The following KLF12 variants were observed in gnomAD, a reference collection of about 807,000 sequenced individuals.
KLF12 encodes KLF transcription factor 12.
KLF12 carries 9 observed loss-of-function variants against 37.8 expected under a neutral mutation model. The observed-to-expected ratio is 0.24, with a 90% CI of 0.14 to 0.42. The LOEUF (loss-of-function observed/expected upper bound fraction) is 0.42. Among genes scored for constraint, KLF12 ranks in the 10% least tolerant of loss-of-function variants. The probability of loss-of-function intolerance (pLI) is 1.00; values close to 1 mark genes in which losing one functional copy is unlikely to be tolerated. For synonymous variants in KLF12, 208 were observed against 202.1 expected (o/e 1.03, Z -0.25); for missense variants, 411 against 516.0 (o/e 0.80, Z 1.97).
At chr13:73,702,326 G>A (rs926115707) in intron 7 of KLF12, among the ~76,000 whole-genome samples, 1 of 152,072 alleles carries the variant, frequency 6.6e-6, no homozygotes, top group Non-Finnish European at 1.5e-5. Context: ...GCAGAAGGCA[G>A]AATAAAGTCT....
chr13:74,066,656 T>C (rs1330217729), intron 1 of KLF12, among the ~76,000 whole-genome samples: 1 of 152,164 alleles, frequency 6.6e-6, no homozygotes, highest in African/African-American at 2.4e-5. Flanking sequence ...AGATAAATTA[T>C]AGTTTTAATT....
chr13:74,215,543 T>A, the KLF12 span, among the ~76,000 whole-genome samples: 1 of 151,958 alleles, frequency 6.6e-6, no homozygotes, highest in Non-Finnish European at 1.5e-5. Context: ...CTGATGATGT[T>A]TAAAACTGAA....
At chr13:73,830,274 TC>T (rs1884083601) in intron 4 of KLF12, among the ~76,000 whole-genome samples, 1 of 143,716 alleles carries the variant, frequency 7.0e-6, no homozygotes. Flanking sequence ...AGAAAATACT[TC>T]CTATGACATA....
upstream of KLF12, among the ~76,000 whole-genome samples, chr13:74,136,078 G>T: frequency 6.6e-6 from 1 of 152,218 alleles, no homozygotes; most frequent in East Asian, 1.9e-4. Context: ...AAGGCAGCAG[G>T]ATTCAGAGGA....
intron 2 of KLF12, among the ~76,000 whole-genome samples, chr13:73,949,338 T>A (rs1328633698): frequency 1.3e-5 from 2 of 152,250 alleles, no homozygotes; most frequent in Non-Finnish European, 2.9e-5. Context: ...AATTTAGCTA[T>A]GGAACTAAAT....
intron 3 of KLF12, among the ~76,000 whole-genome samples, chr13:73,871,176 G>A (rs1386434630): frequency 1.3e-5 from 2 of 152,150 alleles, no homozygotes; most frequent in African/African-American, 2.4e-5. Flanking sequence ...AACATTCAAC[G>A]TTGCAGAGTC....
At position 73,846,120 on chromosome 13, in the gene KLF12, G is replaced by C; in HGVS notation, c.377C>G (p.Ser126Cys). Residue 126 changes from serine (S) to cysteine (C), a missense_variant, in exon 4 of 8, where the codon TCC becomes TGC. This residue lies in a region of KLF12 where 351 missense variants were observed against 397.8 expected (regional missense o/e 0.88). Coordinates refer to ENST00000377669, the MANE Select transcript of KLF12 (RefSeq NM_007249.5). ...AGATACTGATGTGATAACAGTTGGG[G>C]ATGAGGCTAGACGACTAGAAGACGA... 1 of 1,614,116 alleles carries C rather than the reference G, an allele frequency of 6.2e-7. No homozygotes were observed. Among genetic ancestry groups the C allele is most frequent in the East Asian group, 2.2e-5 (1 of 44,868 alleles).
chr13:74,136,655 A>C (rs1415234), upstream of KLF12, among the ~76,000 whole-genome samples: 146,731 of 152,090 alleles, frequency 0.96, 71,011 homozygotes, highest in Middle Eastern at 1. Flanking sequence ...CCTATGGCAT[A>C]AGCCACGGGC....
intron 7 of KLF12, among the ~76,000 whole-genome samples, chr13:73,701,855 T>C (rs999178609): frequency 6.6e-6 from 1 of 152,116 alleles, no homozygotes; most frequent in African/African-American, 2.4e-5. Flanking sequence ...AAAAAGAATA[T>C]GACCATTTTC....
At chr13:74,113,727 AG>A (rs767053700) in intron 1 of KLF12, among the ~76,000 whole-genome samples, 1 of 152,248 alleles carries the variant, frequency 6.6e-6, no homozygotes, top group Non-Finnish European at 1.5e-5. Context: ...CTGCAGCCCA[AG>A]GATCAAGGAG....
chr13:73,899,771 G>A (rs1887955123), intron 3 of KLF12, among the ~76,000 whole-genome samples: 1 of 152,080 alleles, frequency 6.6e-6, no homozygotes, highest in African/African-American at 2.4e-5. Flanking sequence ...CAGGTTCTCT[G>A]GCCTTTGGAA....
the KLF12 span, among the ~76,000 whole-genome samples, chr13:74,284,019 G>A: frequency 5.3e-5 from 8 of 151,800 alleles, no homozygotes; most frequent in South Asian, 4.2e-4. Flanking sequence ...CTCCATGCCC[G>A]GCTAATTTTT....
At chr13:74,151,449 G>C in the KLF12 span, among the ~76,000 whole-genome samples, 1 of 152,050 alleles carries the variant, frequency 6.6e-6, no homozygotes, top group South Asian at 2.1e-4. Flanking sequence ...CCAGGAGTTT[G>C]AGACCAGCCT....
intron 2 of KLF12, among the ~76,000 whole-genome samples, chr13:73,985,175 T>G (rs542183630): frequency 6.6e-6 from 1 of 152,320 alleles, no homozygotes; most frequent in South Asian, 2.1e-4. Context: ...GTCATCCGCC[T>G]TTGAACCTCA....
chr13:74,224,967 C>T, the KLF12 span, among the ~76,000 whole-genome samples: 1 of 152,070 alleles, frequency 6.6e-6, no homozygotes, highest in Non-Finnish European at 1.5e-5. Context: ...TTCAAATTTG[C>T]CCTTTATTTG....
intron 1 of KLF12, among the ~76,000 whole-genome samples, chr13:74,007,421 G>T (rs533757169): frequency 7.6e-6 from 1 of 131,754 alleles, no homozygotes; most frequent in South Asian, 2.7e-4. Context: ...ACAGGCGCCC[G>T]CCACCACGCC....
At chr13:73,885,008 G>A (rs1594211008) in intron 3 of KLF12, among the ~76,000 whole-genome samples, 1 of 152,134 alleles carries the variant, frequency 6.6e-6, no homozygotes, top group East Asian at 1.9e-4. Context: ...TCTACCCATT[G>A]TGCTCAAACT....
At chr13:73,898,974 CAG>C (rs1254101263) in intron 3 of KLF12, among the ~76,000 whole-genome samples, 3 of 152,152 alleles carry the variant, frequency 2.0e-5, no homozygotes, top group Non-Finnish European at 4.4e-5. Flanking sequence ...CCAGCCATGC[CAG>C]GCAACTGCAG....
At chr13:73,867,346 A>T (rs867882704) in intron 3 of KLF12, among the ~76,000 whole-genome samples, 2 of 152,128 alleles carry the variant, frequency 1.3e-5, no homozygotes, top group South Asian at 4.2e-4. Context: ...TAAAAAGGAC[A>T]GTTTACTGAC....
Sources: allele counts gnomAD v4.1 joint callset (sites outside exome capture counted in the v4.1 genomes callset), GRCh38; gene constraint gnomAD v4.1.1; regional missense constraint gnomAD v4.1.1; transcripts MANE v1.5; gene names NCBI Gene and HGNC (gene_info 2026-07-23, HGNC 2026-07-21).